ATRX: variants seen among roughly 807,000 people sequenced by gnomAD.
ATRX encodes the protein chromatin remodeler ATRX.
A neutral mutation model predicts 172.6 loss-of-function variants in ATRX; 12 were observed. The ratio of observed to expected loss-of-function variants is 0.07; its 90% confidence interval spans 0.04 to 0.11. ATRX has a LOEUF of 0.11. ATRX is among the 10% of genes least tolerant of loss of function. The pLI is 1.00. For missense variants in ATRX, 1,368 were observed against 1,767.4 expected (o/e 0.77, Z 4.05); for synonymous variants, 674 against 594.7 (o/e 1.13, Z -1.94).
intron 10 of ATRX, among the ~76,000 whole-genome samples, chrX:77,671,958 G>A (rs1237480818): frequency 9.1e-6 from 1 of 110,463 alleles, no homozygotes; most frequent in Non-Finnish European, 1.9e-5. Flanking sequence ...AAGAAAGCCA[G>A]TAACAACTAC....
chrX:77,752,922 A>C (rs1316401150), intron 1 of ATRX, among the ~76,000 whole-genome samples: 1 of 111,449 alleles, frequency 9.0e-6, no homozygotes, highest in Non-Finnish European at 1.9e-5. Context: ...ATTGGCCTGA[A>C]ATTTCCTTTT....
At chrX:77,600,724 A>C in intron 22 of ATRX, 160 bp from the exon 23 acceptor site, 1 of 486,586 alleles carries the variant, frequency 2.1e-6, no homozygotes, top group South Asian at 3.7e-5. Flanking sequence ...TAAAACAAAT[A>C]GGATTACAAA....
chrX:77,680,026 A>G (rs782041236), intron 9 of ATRX, among the ~76,000 whole-genome samples: 1 of 112,032 alleles, frequency 8.9e-6, no homozygotes, highest in South Asian at 3.7e-4. Flanking sequence ...AGGGTACCAA[A>G]GACAATCTGG....
Position 77,726,539 on chromosome X carries a change from G to T in ATRX, c.21-9296C>A, listed in dbSNP as rs1240866721. 2.7e-5 allele frequency among the ~76,000 whole-genome samples: 3 copies of T among 109,432 alleles called. No individual in the cohort carries two copies. The East Asian group carries it at 8.7e-4, about 32-fold the overall frequency. On this transcript the variant is annotated intron_variant, in intron 1 of 34. Coordinates refer to ENST00000373344, the MANE Select transcript of ATRX (RefSeq NM_000489.6). The stretch of plus-strand genomic sequence containing the variant: ...CCTAATGTAAATGACGAGTTAATGG[G>T]TGCAGCACACCAACATGGCACATGT...
At position 77,523,557 on chromosome X, in the gene ATRX, A is replaced by C. The variant is rs782515684; in HGVS notation, c.6700-156T>G. 5.4e-5 allele frequency among the ~76,000 whole-genome samples: 6 copies of C among 112,014 alleles called. No individual in the cohort carries two copies. The South Asian group carries it at 2.2e-3, about 41-fold the overall frequency. ...AGATTACCTAAAAAACAGCAGCAAA[A>C]CATGTAACACCAGCCTCTTATGTAA... On this transcript the variant is annotated intron_variant, in intron 30 of 34. Transcript: ENST00000373344.
chrX:77,778,519 A>G lies in ATRX; in HGVS notation c.20+7463T>C, dbSNP rs183010403. Among the ~76,000 whole-genome samples, 168 of 110,297 alleles carry G rather than the reference A, an allele frequency of 1.5e-3. 1 individual carries two copies. The highest frequency in any genetic ancestry group is 5.2e-3 in the African/African-American group (159 of 30,371). ...GGGCGGATCATGAGGTCAGGAGATC[A>G]AGACCATCCTGGCCAACACGGTGAA... On this transcript the variant is annotated intron_variant, in intron 1 of 34. Coordinates refer to ENST00000373344, the MANE Select transcript of ATRX (RefSeq NM_000489.6).
At chrX:77,581,770 G>A (rs1255176920) in intron 27 of ATRX, among the ~76,000 whole-genome samples, 1 of 112,084 alleles carries the variant, frequency 8.9e-6, no homozygotes, top group Non-Finnish European at 1.9e-5. Context: ...TCATCCATAT[G>A]TTAGGTCACA....
intron 2 of ATRX, among the ~76,000 whole-genome samples, chrX:77,702,939 C>T (rs1337215619): frequency 1.8e-5 from 2 of 111,803 alleles, no homozygotes; most frequent in Non-Finnish European, 3.8e-5. Context: ...GTTTCCCAGG[C>T]TGGTCTCAAA....
At chrX:77,591,274 A>C (rs2066238802) in intron 26 of ATRX, among the ~76,000 whole-genome samples, 1 of 111,941 alleles carries the variant, frequency 8.9e-6, no homozygotes, top group Non-Finnish European at 1.9e-5. Flanking sequence ...TTCTGGTCTA[A>C]CCCACTGGAC....
chrX:77,732,036 C>T (rs2074318057), intron 1 of ATRX, among the ~76,000 whole-genome samples: 1 of 111,975 alleles, frequency 8.9e-6, no homozygotes, highest in Admixed American at 9.5e-5. Flanking sequence ...AACACACAGC[C>T]ATCAGCAGAC....
intron 12 of ATRX, 78 bp from the exon 13 acceptor site, chrX:77,656,731 G>T: frequency 1.2e-6 from 1 of 820,116 alleles, no homozygotes. Context: ...CCACTGACTC[G>T]ACATTAAAAC....
At chrX:77,730,286 A>G (rs1296254209) in intron 1 of ATRX, among the ~76,000 whole-genome samples, 1 of 112,259 alleles carries the variant, frequency 8.9e-6, no homozygotes, top group Non-Finnish European at 1.9e-5. Context: ...CAGCAAGAGG[A>G]TGTAACCATT....
At chrX:77,731,478 C>T (rs1420460460) in intron 1 of ATRX, among the ~76,000 whole-genome samples, 1 of 111,814 alleles carries the variant, frequency 8.9e-6, no homozygotes, top group African/African-American at 3.3e-5. Context: ...CCTGGTGAAA[C>T]CCCACGTTCA....
intron 15 of ATRX, among the ~76,000 whole-genome samples, chrX:77,637,076 G>GAAAGAA (rs781794665): frequency 9.1e-6 from 1 of 110,094 alleles, no homozygotes; most frequent in South Asian, 3.9e-4. Context: ...GGAGGAAGAA[G>GAAAGAA]GAAGGAGGAG....
At chrX:77,660,409 T>TA (rs1269738039) in intron 12 of ATRX, among the ~76,000 whole-genome samples, 1 of 108,552 alleles carries the variant, frequency 9.2e-6, no homozygotes, top group Non-Finnish European at 1.9e-5. Context: ...ACTAAAAATA[T>TA]AAAAAATTAG....
At position 77,727,812 on chromosome X, in the gene ATRX, A is replaced by G. The variant is rs967309240; in HGVS notation, c.21-10569T>C. ...CTTGCACGTTCTGCTCACATATCCC[A>G]GAACTTAAAGTATAATAAGAAATAA... is the stretch of plus-strand genomic sequence containing the variant. On this transcript the variant is annotated intron_variant, in intron 1 of 34. Coordinates refer to ENST00000373344, the MANE Select transcript of ATRX (RefSeq NM_000489.6). 4.5e-5 allele frequency: 5 copies of G among 111,866 alleles called. 1 individual carries two copies. In the Admixed American group the frequency reaches 4.8e-4, roughly 11 times the overall value. The allele number at this position is 111,866 out of a possible 1,213,427, so 9.2% of individuals were successfully genotyped here.
chrX:77,621,621 T>C (rs782113820), intron 19 of ATRX, among the ~76,000 whole-genome samples: 2 of 112,530 alleles, frequency 1.8e-5, no homozygotes, highest in Non-Finnish European at 3.8e-5. Flanking sequence ...GATATATATT[T>C]TTTCCAGGGC....
At chrX:77,509,004 C>A (rs979574971) in intron 34 of ATRX, among the ~76,000 whole-genome samples, 2 of 112,054 alleles carry the variant, frequency 1.8e-5, no homozygotes, top group Non-Finnish European at 3.8e-5. Context: ...TAGTGACAAA[C>A]ACCAAAGGGA....
intron 1 of ATRX, chrX:77,785,703 G>A: frequency 1.9e-6 from 1 of 521,328 alleles, no homozygotes; most frequent in Non-Finnish European, 2.6e-6. Flanking sequence ...ATAAACAGAG[G>A]AGCCCGACCA....
Sources: allele counts gnomAD v4.1 joint callset (sites outside exome capture counted in the v4.1 genomes callset), GRCh38; gene constraint gnomAD v4.1.1; transcripts MANE v1.5; gene names NCBI Gene and HGNC (gene_info 2026-07-23, HGNC 2026-07-21).